The following C3orf70 variants were observed in gnomAD, a reference collection of about 807,000 sequenced individuals.
C3orf70 encodes chromosome 3 open reading frame 70.
A neutral mutation model predicts 20.7 loss-of-function variants in C3orf70; 15 were observed. That is an observed-to-expected ratio of 0.72 (90% CI 0.48 to 1.11). The LOEUF (loss-of-function observed/expected upper bound fraction) is 1.11, where lower values mean the gene tolerates loss of function less well. Among genes scored for constraint, C3orf70 ranks in the 50% most tolerant of loss-of-function variants. The pLI is 0.00. For synonymous variants in C3orf70, 161 were observed against 125.7 expected (o/e 1.28, Z -1.88); for missense variants, 332 against 317.6 (o/e 1.05, Z -0.34).
chr3:185,127,715 C>T (rs1478001317), intron 1 of C3orf70, among the ~76,000 whole-genome samples: 3 of 152,132 alleles, frequency 2.0e-5, no homozygotes, highest in Non-Finnish European at 4.4e-5. Context: ...GCTGGGATTA[C>T]AGGCGTGAGC....
intron 1 of C3orf70, among the ~76,000 whole-genome samples, chr3:185,091,068 G>A (rs536249404): frequency 3.3e-5 from 5 of 152,172 alleles, no homozygotes; most frequent in Admixed American, 2.6e-4. Flanking sequence ...CAGATGCTAT[G>A]GGGAAATAAG....
intron 1 of C3orf70, among the ~76,000 whole-genome samples, chr3:185,142,568 C>T (rs184285593): frequency 4.6e-5 from 7 of 152,250 alleles, no homozygotes; most frequent in Admixed American, 2.6e-4. Context: ...CAACCACCAG[C>T]GTAGTAAGTG....
chr3:185,151,719 T>C (rs1438126197), intron 1 of C3orf70, among the ~76,000 whole-genome samples: 1 of 152,198 alleles, frequency 6.6e-6, no homozygotes, highest in Non-Finnish European at 1.5e-5. Flanking sequence ...TTGGAAAATG[T>C]CCTAAATAAG....
chr3:185,100,203 T>G (rs1043753041), intron 1 of C3orf70, among the ~76,000 whole-genome samples: 6 of 152,154 alleles, frequency 3.9e-5, no homozygotes, highest in African/African-American at 1.4e-4. Context: ...ATGGACCTGA[T>G]AGACATCTAC....
At chr3:185,100,920 T>C (rs985308396) in intron 1 of C3orf70, among the ~76,000 whole-genome samples, 1 of 152,006 alleles carries the variant, frequency 6.6e-6, no homozygotes, top group Non-Finnish European at 1.5e-5. Context: ...TCTACACACA[T>C]AAACTAGAAA....
At position 185,102,629 on chromosome 3, in the gene C3orf70, G is replaced by A. The variant is rs1577322567; in HGVS notation, c.197-19066C>T. Among the ~76,000 whole-genome samples the A allele has an allele frequency of 2.6e-5, 4 of 152,252 alleles. No homozygotes were observed. In the Middle Eastern group the frequency reaches 0.014, roughly 518 times the overall value. Reference sequence around the variant, plus strand: ...ATGCTAAGCAAAAAGAACAAAGCTGGAGGCATCATGCTACCTGATTTCAAA... The same window carrying A: ...ATGCTAAGCAAAAAGAACAAAGCTGAAGGCATCATGCTACCTGATTTCAAA... On this transcript the variant is annotated intron_variant, in intron 1 of 1. Transcript: ENST00000335012.
chr3:185,145,754 A>C (rs1478929139), intron 1 of C3orf70, among the ~76,000 whole-genome samples: 1 of 152,240 alleles, frequency 6.6e-6, no homozygotes, highest in Non-Finnish European at 1.5e-5. Flanking sequence ...AAAAATGAAG[A>C]TAGTAACAGT....
At chr3:185,149,759 G>A (rs1428372479) in intron 1 of C3orf70, among the ~76,000 whole-genome samples, 1 of 152,208 alleles carries the variant, frequency 6.6e-6, no homozygotes. Context: ...TTTAGTGAAT[G>A]GGATCACTGA....
At chr3:185,111,219 C>T (rs938295884) in intron 1 of C3orf70, among the ~76,000 whole-genome samples, 1 of 151,694 alleles carries the variant, frequency 6.6e-6, no homozygotes, top group African/African-American at 2.4e-5. Flanking sequence ...AAAGCATAAG[C>T]AATGAAAGAA....
At chr3:185,118,244 T>C (rs1326085435) in intron 1 of C3orf70, among the ~76,000 whole-genome samples, 2 of 152,204 alleles carry the variant, frequency 1.3e-5, no homozygotes, top group African/African-American at 4.8e-5. Context: ...GACATGATGG[T>C]TCTTTCCTTC....
At chr3:185,112,121 T>C (rs552783178) in intron 1 of C3orf70, among the ~76,000 whole-genome samples, 1 of 151,998 alleles carries the variant, frequency 6.6e-6, no homozygotes, top group African/African-American at 2.4e-5. Context: ...GGAAATCCTG[T>C]CTCTACTTAA....
intron 1 of C3orf70, among the ~76,000 whole-genome samples, chr3:185,105,475 T>G (rs1423875725): frequency 6.6e-6 from 1 of 152,240 alleles, no homozygotes; most frequent in Non-Finnish European, 1.5e-5. Context: ...TTCCTTTCAT[T>G]CGGCCCATCC....
intron 1 of C3orf70, among the ~76,000 whole-genome samples, chr3:185,122,391 A>G (rs982105409): frequency 3.3e-5 from 5 of 152,184 alleles, no homozygotes; most frequent in South Asian, 4.2e-4. Flanking sequence ...CTCAAAAGAC[A>G]ACCCCAAATG....
At chr3:185,105,414 C>T (rs776847268) in intron 1 of C3orf70, among the ~76,000 whole-genome samples, 6 of 152,256 alleles carry the variant, frequency 3.9e-5, no homozygotes, top group Non-Finnish European at 7.3e-5. Context: ...ATAGCATGAG[C>T]GATCTGTGCC....
intron 1 of C3orf70, among the ~76,000 whole-genome samples, chr3:185,145,506 C>G (rs994854722): frequency 3.9e-5 from 6 of 152,150 alleles, no homozygotes; most frequent in Admixed American, 3.3e-4. Flanking sequence ...ATAGAGTTCA[C>G]AACCATTCCA....
intron 1 of C3orf70, among the ~76,000 whole-genome samples, chr3:185,116,142 G>A (rs1214637713): frequency 6.6e-6 from 1 of 152,192 alleles, no homozygotes; most frequent in Non-Finnish European, 1.5e-5. Context: ...CTAATTCAGT[G>A]TTTAGTAGAC....
At chr3:185,134,116 C>CATATATATACATATATATATAT (rs1716575409) in intron 1 of C3orf70, among the ~76,000 whole-genome samples, 3 of 134,666 alleles carry the variant, frequency 2.2e-5, no homozygotes, top group African/African-American at 8.0e-5. Context: ...AAAAATACAT[C>CATATATATACATATATATATAT]ATATATATAT....
chr3:185,133,677 T>C (rs964263544), intron 1 of C3orf70, among the ~76,000 whole-genome samples: 23 of 151,944 alleles, frequency 1.5e-4, no homozygotes, highest in African/African-American at 4.8e-4. Context: ...GGGGTAGAGG[T>C]TGCATGCAGT....
Position 185,153,045 on chromosome 3 carries a change from G to A in C3orf70, c.-222C>T, listed in dbSNP as rs556002044. ...TGGCAGCCTCCCTCCCTCCGGCGCG[G>A]CGCGCGCCGCGCCCCACGCGCACAC... On this transcript the variant is annotated 5_prime_UTR_variant, in exon 1 of 2. Coordinates refer to ENST00000335012, the MANE Select transcript of C3orf70 (RefSeq NM_001025266.3). The surrounding 1 kb of genome is among the most constrained non-coding windows in gnomAD (Gnocchi z 6.8). 469 of 153,800 alleles carry A rather than the reference G, an allele frequency of 3.0e-3. 4 individuals carry two copies. Among genetic ancestry groups the A allele is most frequent in the African/African-American group, 0.011 (445 of 41,088 alleles). 9.5% of individuals were successfully genotyped at this position (153,800 alleles called of 1,614,324 possible). A position where few individuals can be genotyped will look rare whatever the true frequency, so the allele number is the denominator to read the frequency against.
Sources: gnomAD v4.1 joint callset for allele counts (sites outside exome capture counted in the v4.1 genomes callset) on GRCh38, gnomAD v4.1.1 for gene constraint, Gnocchi (gnomAD v3.1) non-coding constraint, MANE v1.5 for transcripts, NCBI Gene and HGNC (gene_info 2026-07-23, HGNC 2026-07-21) for gene names.